The following MCM9 variants were observed in gnomAD, a reference collection of about 807,000 sequenced individuals.
The protein encoded by MCM9 is DNA helicase MCM9.
MCM9 carries 55 observed loss-of-function variants against 72.8 expected under a neutral mutation model. That is an observed-to-expected ratio of 0.76 (90% CI 0.61 to 0.95). The LOEUF (loss-of-function observed/expected upper bound fraction) is 0.95, where lower values mean the gene tolerates loss of function less well. MCM9 is among the 40% of genes least tolerant of loss of function. The pLI is 0.00. For synonymous variants in MCM9, 480 were observed against 503.4 expected (o/e 0.95, Z 0.62); for missense variants, 1,279 against 1,377.0 (o/e 0.93, Z 1.13).
Position 118,824,035 on chromosome 6 carries a change from CTTTTTTTTTTTTTTTT to C in MCM9, c.1961+2096_1961+2111del, listed in dbSNP as rs137881254. On this transcript the variant is annotated intron_variant, in intron 13 of 13. Transcript: ENST00000619706. Reference sequence around the variant, plus strand: ...TGAAAATATCAATAAGCAAACCCACCTTTTTTTTTTTTTTTTTTTTTTTTTTTTTTTTTTTAGACAG... The same window carrying C: ...TGAAAATATCAATAAGCAAACCCACCTTTTTTTTTTTTTTTTTTTAGACAG... Among the ~76,000 whole-genome samples the C allele has an allele frequency of 3.7e-4, 20 of 54,340 alleles. No individual in the cohort carries two copies. The East Asian group carries it at 4.3e-3, about 12-fold the overall frequency. 35.6% of individuals were successfully genotyped at this position (54,340 alleles called of 152,430 possible).
intron 8 of MCM9, among the ~76,000 whole-genome samples, chr6:118,882,550 A>G (rs1344070276): frequency 2.0e-5 from 3 of 152,244 alleles, no homozygotes; most frequent in Non-Finnish European, 4.4e-5. Context: ...TAATTGAACC[A>G]GAGTGCTGAG....
intron 9 of MCM9, among the ~76,000 whole-genome samples, chr6:118,841,875 C>T (rs1033732162): frequency 6.6e-6 from 1 of 150,526 alleles, no homozygotes; most frequent in African/African-American, 2.5e-5. Flanking sequence ...CGCTCTGTCG[C>T]CTAGGCTGGA....
intron 9 of MCM9, among the ~76,000 whole-genome samples, chr6:118,850,388 A>G (rs531369435): frequency 6.6e-6 from 1 of 151,972 alleles, no homozygotes; most frequent in South Asian, 2.1e-4. Context: ...ATAATTTTGA[A>G]GAGTCATAAG....
At position 118,827,960 on chromosome 6, in the gene MCM9, G is replaced by A. The variant is rs935422225; in HGVS notation, c.1699C>T (p.Arg567Trp). The change falls in exon 11 of 14, where the codon CGG becomes TGG. Residue 567 changes from arginine (R) to tryptophan (W), a missense_variant. Coordinates refer to ENST00000619706, the MANE Select transcript of MCM9 (RefSeq NM_017696.3). Reference sequence around the variant, plus strand: ...AATCGTATCAAGCTTTCCAACAGCCGAATGGTGGTCCGGGCAGCGTTCCGG... The same window carrying A: ...AATCGTATCAAGCTTTCCAACAGCCAAATGGTGGTCCGGGCAGCGTTCCGG... ...DCRNAARTTI[R>W]LLESLIRLAE... 17 of 1,550,894 alleles carry A rather than the reference G, an allele frequency of 1.1e-5. No individual in the cohort carries two copies. Among genetic ancestry groups the A allele is most frequent in the Non-Finnish European group, 1.4e-5 (16 of 1,147,092 alleles).
At chr6:118,931,978 C>T (rs9401100) in intron 2 of MCM9, among the ~76,000 whole-genome samples, 4,332 of 152,232 alleles carry the variant, frequency 0.028, 187 homozygotes, top group African/African-American at 0.086. Flanking sequence ...TTATCAAAAT[C>T]CAAAATAGTT....
rs191076107 is a variant in MCM9, at chr6:118,815,000, G to T, written c.3256C>A (p.Pro1086Thr). 173 of 1,550,144 alleles carry T rather than the reference G, an allele frequency of 1.1e-4. No individual in the cohort carries two copies. Among genetic ancestry groups the T allele is most frequent in the Non-Finnish European group, 1.1e-4 (130 of 1,146,872 alleles). ...PERKNRGERGPSSPPTTTAPM... is the reference protein window; with the variant it reads ...PERKNRGERGTSSPPTTTAPM... The stretch of plus-strand genomic sequence containing the variant: ...GCTGTGGTTGTAGGAGGGGAGCTTG[G>T]GCCTCTCTCACCTCGGTTCTTCCTT... The change falls in exon 14 of 14, where the codon CCA becomes ACA. Residue 1086 changes from proline to threonine, a missense_variant. By Grantham distance (38) the Pro-to-Thr change is conservative. Coordinates refer to ENST00000619706, the MANE Select transcript of MCM9 (RefSeq NM_017696.3).
At chr6:118,873,479 C>G (rs1777747399) in intron 8 of MCM9, among the ~76,000 whole-genome samples, 1 of 151,876 alleles carries the variant, frequency 6.6e-6, no homozygotes, top group African/African-American at 2.4e-5. Flanking sequence ...AACATTACAG[C>G]ATAATAAAGA....
chr6:118,878,843 G>A (rs1299295568), intron 8 of MCM9, among the ~76,000 whole-genome samples: 1 of 152,114 alleles, frequency 6.6e-6, no homozygotes, highest in African/African-American at 2.4e-5. Flanking sequence ...GATTGCTTGA[G>A]CTCAGACGTT....
intron 13 of MCM9, among the ~76,000 whole-genome samples, chr6:118,820,907 G>A (rs539810240): frequency 3.3e-5 from 5 of 152,080 alleles, no homozygotes; most frequent in Admixed American, 2.0e-4. Flanking sequence ...GATCTTTGTT[G>A]GTTTAAAGTC....
Position 118,814,551 on chromosome 6 carries a change from C to T in MCM9, c.*273G>A. Reference sequence around the variant, plus strand: ...ACAAAACAAAAAACAGAAACAGCTTCAGGAACAGGAATACAAGTACTCCAT... The same window carrying T: ...ACAAAACAAAAAACAGAAACAGCTTTAGGAACAGGAATACAAGTACTCCAT... On this transcript the variant is annotated 3_prime_UTR_variant, in exon 14 of 14. Coordinates refer to ENST00000619706, the MANE Select transcript of MCM9 (RefSeq NM_017696.3). 3.4e-6 allele frequency: 1 copy of T among 290,786 alleles called. No individual in the cohort carries two copies. Among genetic ancestry groups the T allele is most frequent in the Non-Finnish European group, 6.3e-6 (1 of 158,454 alleles). The allele number at this position is 290,786 out of a possible 1,614,324, so 18.0% of individuals were successfully genotyped here. A position where few individuals can be genotyped will look rare whatever the true frequency, so the allele number is the denominator to read the frequency against.
At chr6:118,901,002 C>A in intron 8 of MCM9, 1 of 693,294 alleles carries the variant, frequency 1.4e-6, no homozygotes, top group Non-Finnish European at 2.5e-6. Flanking sequence ...GCTGCATTCA[C>A]TTTAAATCTG....
intron 8 of MCM9, among the ~76,000 whole-genome samples, chr6:118,896,926 A>C (rs1779459082): frequency 6.6e-6 from 1 of 152,106 alleles, no homozygotes; most frequent in Non-Finnish European, 1.5e-5. Flanking sequence ...CTGCAGCCTC[A>C]ACCTGGGCTT....
intron 8 of MCM9, among the ~76,000 whole-genome samples, chr6:118,868,019 G>A (rs1489494812): frequency 6.6e-6 from 1 of 151,796 alleles, no homozygotes; most frequent in Non-Finnish European, 1.5e-5. Flanking sequence ...TGGGACTACA[G>A]GCACGTGCCA....
chr6:118,829,844 T>C (rs1438277951), intron 9 of MCM9, among the ~76,000 whole-genome samples: 1 of 151,916 alleles, frequency 6.6e-6, no homozygotes, highest in Non-Finnish European at 1.5e-5. Flanking sequence ...TCATTTTGTT[T>C]TGATTTTTTT....
intron 8 of MCM9, 136 bp downstream of exon 8, chr6:118,911,514 A>G: frequency 7.2e-7 from 1 of 1,381,964 alleles, no homozygotes; most frequent in Non-Finnish European, 9.4e-7. Context: ...AACATTGCAT[A>G]TTTCCTTCCA....
rs535649698 is a variant in MCM9, at chr6:118,882,683, G to A, written c.1151-26138C>T. 1.4e-4 allele frequency among the ~76,000 whole-genome samples: 22 copies of A among 152,126 alleles called. No individual in the cohort carries two copies. In the South Asian group the frequency reaches 4.4e-3, roughly 30 times the overall value. On this transcript the variant is annotated intron_variant, in intron 8 of 13. Coordinates refer to ENST00000619706, the MANE Select transcript of MCM9 (RefSeq NM_017696.3). ...AGATCAAGGAGAGAGTCAAGGAAAG[G>A]TTGGTTAAAATTATCATCCTAAGAG...
At chr6:118,856,332 T>C (rs1776550408) in intron 9 of MCM9, 39 bp downstream of exon 9, 1 of 1,506,046 alleles carries the variant, frequency 6.6e-7, no homozygotes, top group South Asian at 1.2e-5. Context: ...ATATATTAAA[T>C]AATCTCATTA....
rs1773360047 is a variant in MCM9 at position 118,815,573 on chromosome 6, T to G, written c.2683A>C (p.Arg895=). The G allele has an allele frequency of 6.5e-7, 1 of 1,550,322 alleles. No homozygotes were observed. The highest frequency in any genetic ancestry group is 1.4e-5 in the African/African-American group (1 of 73,016). Residue 895 remains arginine, a synonymous_variant, in exon 14 of 14, where the codon AGA becomes CGA. Coordinates refer to ENST00000619706, the MANE Select transcript of MCM9 (RefSeq NM_017696.3). ...DRMLDSPKRK[R]PKSLAQVEEP... ...TCCACTTGCGCAAGGGATTTCGGTC[T>G]CTTTCTTTTGGGTGAGTCCAGCATT...
chr6:118,878,544 T>C (rs1247998672), intron 8 of MCM9, among the ~76,000 whole-genome samples: 1 of 152,160 alleles, frequency 6.6e-6, no homozygotes, highest in Non-Finnish European at 1.5e-5. Context: ...TATGAAGATA[T>C]AATTTGTATG....
Sources: allele counts gnomAD v4.1 joint callset (sites outside exome capture counted in the v4.1 genomes callset), GRCh38; gene constraint gnomAD v4.1.1; transcripts MANE v1.5; gene names NCBI Gene and HGNC (gene_info 2026-07-23, HGNC 2026-07-21).